The following CDH13 variants were observed in gnomAD, a reference collection of about 807,000 sequenced individuals.
The protein encoded by CDH13 is cadherin 13, also known as cadherin-13.
In CDH13, 24 loss-of-function variants were observed where a neutral mutation model predicts 63.8. The observed-to-expected ratio is 0.38, with a 90% confidence interval of 0.27 to 0.53. The LOEUF (loss-of-function observed/expected upper bound fraction) is 0.53. Among genes scored for constraint, CDH13 ranks in the 20% least tolerant of loss-of-function variants. The probability of loss-of-function intolerance (pLI) is 0.85; values close to 1 mark genes in which losing one functional copy is unlikely to be tolerated. For missense variants in CDH13, 1,049 were observed against 903.1 expected, an observed-to-expected ratio of 1.16 and a Z score of -2.07; for synonymous variants, 503 against 355.3, an observed-to-expected ratio of 1.42 and a Z score of -4.67.
intron 6 of CDH13, among the ~76,000 whole-genome samples, chr16:83,402,836 T>G (rs569053109): frequency 3.7e-4 from 56 of 152,104 alleles, no homozygotes; most frequent in Non-Finnish European, 6.5e-4. Context: ...AGACTATATT[T>G]TCTTTTCTGT....
At chr16:83,699,194 G>A (rs1448404483) in intron 10 of CDH13, among the ~76,000 whole-genome samples, 1 of 152,214 alleles carries the variant, frequency 6.6e-6, no homozygotes, top group Non-Finnish European at 1.5e-5. Context: ...CCAGATGAAA[G>A]GTGACCTAAG....
At chr16:83,284,764 AAT>A (rs1275983248) in intron 5 of CDH13, among the ~76,000 whole-genome samples, 2 of 152,114 alleles carry the variant, frequency 1.3e-5, no homozygotes, top group Non-Finnish European at 2.9e-5. Flanking sequence ...ATAGATATAA[AAT>A]AGTGTTAATA....
intron 10 of CDH13, among the ~76,000 whole-genome samples, chr16:83,741,500 A>ATATATG (rs1555523569): frequency 0.35 from 52,131 of 149,502 alleles, 9,740 homozygotes; most frequent in Middle Eastern, 0.46. Flanking sequence ...ATATATATAT[A>ATATATG]TGTGTGTGTG....
chr16:83,321,483 A>AT (rs1484574031), intron 5 of CDH13, among the ~76,000 whole-genome samples: 2 of 151,034 alleles, frequency 1.3e-5, no homozygotes, highest in Non-Finnish European at 2.9e-5. Flanking sequence ...CTAGGCTGTC[A>AT]TACCTCCTCA....
intron 6 of CDH13, among the ~76,000 whole-genome samples, chr16:83,422,158 C>G (rs1451819076): frequency 6.6e-6 from 1 of 152,096 alleles, no homozygotes; most frequent in African/African-American, 2.4e-5. Flanking sequence ...GCCATGTTCC[C>G]CTTTAATTAG....
At chr16:82,793,391 A>C (rs74565975) in intron 1 of CDH13, among the ~76,000 whole-genome samples, 1 of 149,988 alleles carries the variant, frequency 6.7e-6, no homozygotes, top group African/African-American at 2.4e-5. Flanking sequence ...GAAAAAAAAA[A>C]TCACTCCACC....
intron 7 of CDH13, among the ~76,000 whole-genome samples, chr16:83,597,640 G>T (rs1486876690): frequency 3.3e-5 from 5 of 152,096 alleles, no homozygotes; most frequent in Non-Finnish European, 7.4e-5. Context: ...TATTTTTAAG[G>T]TCAGCCTTAA....
chr16:83,150,667 TG>T (rs2036940700), intron 4 of CDH13, among the ~76,000 whole-genome samples: 1 of 152,240 alleles, frequency 6.6e-6, no homozygotes, highest in Non-Finnish European at 1.5e-5. Flanking sequence ...CTATACTTTT[TG>T]TTGTCTTACC....
chr16:82,638,257 TG>T (rs57688457), intron 1 of CDH13, among the ~76,000 whole-genome samples: 2,991 of 152,282 alleles, frequency 0.02, 93 homozygotes, highest in African/African-American at 0.061. Flanking sequence ...AGCCTGGGGC[TG>T]GCCTGGACCC....
At chr16:83,332,363 C>T (rs564394159) in intron 5 of CDH13, among the ~76,000 whole-genome samples, 2 of 152,002 alleles carry the variant, frequency 1.3e-5, no homozygotes, top group South Asian at 4.2e-4. Flanking sequence ...ATTCATTAGA[C>T]TATACTTTAA....
rs148482037 is a variant in CDH13, at chr16:82,739,017, A to G, written c.45+111880A>G. Among the ~76,000 whole-genome samples, 731 of 152,288 alleles carry G rather than the reference A, an allele frequency of 4.8e-3. 5 individuals are homozygous for G. Among genetic ancestry groups the G allele is most frequent in the Admixed American group, 8.0e-3 (123 of 15,288 alleles). ...AATATTCAAAGAAGCAGTGAGCAAG[A>G]TACGTTTTTTATTCTTCCTTTCGGA... is the stretch of plus-strand genomic sequence containing the variant. On this transcript the variant is annotated intron_variant, in intron 1 of 13. Transcript: ENST00000567109.
intron 6 of CDH13, among the ~76,000 whole-genome samples, chr16:83,389,464 A>T (rs2091742015): frequency 6.6e-6 from 1 of 152,204 alleles, no homozygotes. Context: ...TTCTGTCTAA[A>T]CTAGGAGCCA....
intron 7 of CDH13, among the ~76,000 whole-genome samples, chr16:83,513,724 C>T (rs1330591093): frequency 2.6e-5 from 4 of 152,084 alleles, no homozygotes; most frequent in African/African-American, 9.7e-5. Context: ...TACCTCTCAC[C>T]AGGCCCCTCC....
chr16:83,719,630 A>C lies in CDH13; in HGVS notation c.1539-28478A>C, dbSNP rs531599554. 2.0e-5 allele frequency among the ~76,000 whole-genome samples: 3 copies of C among 152,310 alleles called. No homozygotes were observed. The South Asian group carries it at 6.2e-4, about 32-fold the overall frequency. On this transcript the variant is annotated intron_variant, in intron 10 of 13. Coordinates refer to ENST00000567109, the MANE Select transcript of CDH13 (RefSeq NM_001257.5). ...CCACGTGCAGTTATACACACCTCACATGTAAGAATTTAAACCCCCACGGTG... is the reference window on the plus strand; with the variant it reads ...CCACGTGCAGTTATACACACCTCACCTGTAAGAATTTAAACCCCCACGGTG...
chr16:83,494,692 A>T (rs2074095378), intron 7 of CDH13, among the ~76,000 whole-genome samples: 1 of 152,198 alleles, frequency 6.6e-6, no homozygotes, highest in African/African-American at 2.4e-5. Flanking sequence ...GCAGAGAGGC[A>T]ATCAAAAGCT....
chr16:82,696,295 C>G (rs536798760), intron 1 of CDH13, among the ~76,000 whole-genome samples: 2 of 152,242 alleles, frequency 1.3e-5, no homozygotes, highest in East Asian at 1.9e-4. Flanking sequence ...GTGTCACTCA[C>G]TCTATATATT....
chr16:83,218,114 G>A (rs1306871232), intron 5 of CDH13, among the ~76,000 whole-genome samples: 1 of 152,192 alleles, frequency 6.6e-6, no homozygotes. Flanking sequence ...AGAAAAATCA[G>A]TGGGTTAATG....
intron 6 of CDH13, among the ~76,000 whole-genome samples, chr16:83,472,766 C>G (rs907584965): frequency 2.6e-5 from 4 of 151,974 alleles, no homozygotes; most frequent in Non-Finnish European, 5.9e-5. Flanking sequence ...GTGCCAGAAG[C>G]TACTGGATCG....
At chr16:83,085,662 A>G (rs1022006038) in intron 3 of CDH13, among the ~76,000 whole-genome samples, 3 of 152,226 alleles carry the variant, frequency 2.0e-5, no homozygotes, top group East Asian at 3.9e-4. Flanking sequence ...TGTGCCTTAA[A>G]CAAAATACAA....
Sources: gnomAD v4.1 joint callset for allele counts (sites outside exome capture counted in the v4.1 genomes callset) on GRCh38, gnomAD v4.1.1 for gene constraint, MANE v1.5 for transcripts, NCBI Gene and HGNC (gene_info 2026-07-23, HGNC 2026-07-21) for gene names.